The following MMP17 variants were observed in gnomAD, a reference collection of about 807,000 sequenced individuals.
MMP17 encodes the protein matrix metallopeptidase 17.
A neutral mutation model predicts 49.1 loss-of-function variants in MMP17; 54 were observed. The ratio of observed to expected loss-of-function variants is 1.10; its 90% CI spans 0.88 to 1.38. The LOEUF (loss-of-function observed/expected upper bound fraction) is 1.38, where lower values mean the gene tolerates loss of function less well. MMP17 is among the 40% of genes most tolerant of loss of function. The probability of loss-of-function intolerance (pLI) is 0.00; values close to 1 mark genes in which losing one functional copy is unlikely to be tolerated. For missense variants in MMP17, 837 were observed against 853.7 expected (o/e 0.98, Z 0.24); for synonymous variants, 397 against 383.1 (o/e 1.04, Z -0.42).
chr12:131,832,673 G>A (rs903091156), intron 1 of MMP17, among the ~76,000 whole-genome samples: 6 of 152,066 alleles, frequency 3.9e-5, no homozygotes, highest in South Asian at 4.2e-4. Flanking sequence ...CCTGGGCACC[G>A]TCTGAGTGGG....
At chr12:131,831,073 G>C (rs1886769878) in intron 1 of MMP17, among the ~76,000 whole-genome samples, 2 of 152,224 alleles carry the variant, frequency 1.3e-5, no homozygotes, top group South Asian at 4.1e-4. Flanking sequence ...TGCGATTGCA[G>C]CTTCGCACGC....
intron 8 of MMP17, among the ~76,000 whole-genome samples, chr12:131,845,693 G>A (rs1190099545): frequency 1.3e-5 from 2 of 152,188 alleles, no homozygotes; most frequent in Non-Finnish European, 2.9e-5. Context: ...CCTCGTTCTA[G>A]TCAGGCCACA....
Position 131,850,960 on chromosome 12 carries a change from A to C in MMP17, c.1498A>C (p.Lys500Gln), listed in dbSNP as rs551280686. The C allele has an allele frequency of 6.5e-7, 1 of 1,526,986 alleles. No homozygotes were observed. The highest frequency in any genetic ancestry group is 1.4e-5 in the African/African-American group (1 of 71,094). The allele number at this position is 1,526,986 out of a possible 1,614,324, so 94.6% of individuals were successfully genotyped here. A position where few individuals can be genotyped will look rare whatever the true frequency, so the allele number is the denominator to read the frequency against. Residue 500 changes from lysine to glutamine, a missense_variant, in exon 10 of 10, where the codon AAA becomes CAA. Lys to Gln is a moderately conservative substitution (Grantham distance 53). Transcript: ENST00000360564. ...SYFFRGQEYW[K>Q]VLDGELEVAP... ...CTTCTTCCGTGGCCAGGAGTACTGGAAAGTGCTGGATGGCGAGCTGGAGGT... is the reference window on the plus strand; with the variant it reads ...CTTCTTCCGTGGCCAGGAGTACTGGCAAGTGCTGGATGGCGAGCTGGAGGT...
At chr12:131,850,477 C>G (rs1211837660) in intron 9 of MMP17, among the ~76,000 whole-genome samples, 1 of 152,250 alleles carries the variant, frequency 6.6e-6, no homozygotes, top group Non-Finnish European at 1.5e-5. Flanking sequence ...CCCACAGGGT[C>G]AGCTCCAGGG....
intron 1 of MMP17, among the ~76,000 whole-genome samples, chr12:131,834,425 G>A (rs1272327688): frequency 9.2e-5 from 14 of 152,184 alleles, no homozygotes; most frequent in African/African-American, 3.4e-4. Flanking sequence ...AGGACCAGGC[G>A]GCGGGTGGGC....
rs1275340494 is a variant in MMP17 at position 131,846,993 on chromosome 12, G to T, written c.1204+1544G>T. 2.0e-5 allele frequency among the ~76,000 whole-genome samples: 3 copies of T among 152,030 alleles called. No individual in the cohort carries two copies. The highest frequency in any genetic ancestry group is 7.2e-5 in the African/African-American group (3 of 41,386). ...CCTGATCCCTCCTGAAGGGACAGAGGCTGCAGCTACCTGGGAGGCTGAGGC... is the reference window on the plus strand; with the variant it reads ...CCTGATCCCTCCTGAAGGGACAGAGTCTGCAGCTACCTGGGAGGCTGAGGC... On this transcript the variant is annotated intron_variant, in intron 8 of 9. Transcript: ENST00000360564. This position sits in a 1 kb window ranked among gnomAD's most constrained non-coding sequence, Gnocchi z 4.6.
At chr12:131,844,998 T>C in intron 6 of MMP17, 120 bp from the exon 7 acceptor site, 1 of 980,124 alleles carries the variant, frequency 1.0e-6, no homozygotes, top group Non-Finnish European at 1.6e-6. Context: ...TAGGCAAGGA[T>C]AGGGGCTCCA....
chr12:131,850,047 C>T lies in MMP17; in HGVS notation c.1450C>T (p.Arg484Cys), dbSNP rs750425762. 3.1e-6 allele frequency: 5 copies of T among 1,611,020 alleles called. No individual in the cohort carries two copies. Among genetic ancestry groups the T allele is most frequent in the East Asian group, 2.2e-5 (1 of 44,818 alleles). ...CCCCAGCACGCTGGACGACGCCATG[C>T]GCTGGTCCGACGGTGAGTGCCAGCT... ...GVPSTLDDAM[R>C]WSDGASYFFR... Residue 484 changes from arginine (R) to cysteine (C), a missense_variant, in exon 9 of 10, where the codon CGC becomes TGC. Physicochemically the swap from Arg to Cys is radical, Grantham distance 180. Coordinates refer to ENST00000360564, the MANE Select transcript of MMP17 (RefSeq NM_016155.7).
intron 1 of MMP17, among the ~76,000 whole-genome samples, chr12:131,834,286 C>T (rs1031874867): frequency 1.5e-4 from 23 of 152,148 alleles, no homozygotes; most frequent in Non-Finnish European, 1.3e-4. Flanking sequence ...CCGCCTCCTC[C>T]CTCCTCCCGG....
At chr12:131,836,974 G>T (rs1191497821) in intron 1 of MMP17, among the ~76,000 whole-genome samples, 3 of 152,210 alleles carry the variant, frequency 2.0e-5, no homozygotes, top group African/African-American at 4.8e-5. Flanking sequence ...CCTGTCCCCA[G>T]GGCCCCTCCA....
intron 4 of MMP17, 63 bp from the exon 5 acceptor site, chr12:131,841,561 G>C (rs368700905): frequency 1.8e-5 from 28 of 1,564,948 alleles, no homozygotes; most frequent in Non-Finnish European, 2.4e-5. Flanking sequence ...GGGCCTGCTG[G>C]TCCCTCCCCG....
Position 131,828,411 on chromosome 12 carries a change from C to A in MMP17, c.-84C>A. ...GGGGCTCAGTCCGGCGGGGGCGCCG[C>A]GGAGAGCGGAGGGCGCCGGGCTGCG... On this transcript the variant is annotated 5_prime_UTR_variant, in exon 1 of 10. Coordinates refer to ENST00000360564, the MANE Select transcript of MMP17 (RefSeq NM_016155.7). The A allele has an allele frequency of 1.2e-6, 1 of 807,462 alleles. No homozygotes were observed. 50.0% of individuals were successfully genotyped at this position (807,462 alleles called of 1,614,324 possible).
chr12:131,840,326 G>A (rs1441219918), intron 3 of MMP17: 8 of 489,180 alleles, frequency 1.6e-5, no homozygotes, highest in East Asian at 6.2e-5. Context: ...GGGAGCTGAC[G>A]TTTGCCTGTG....
chr12:131,848,292 G>A (rs116490303), intron 8 of MMP17, among the ~76,000 whole-genome samples: 13,601 of 152,128 alleles, frequency 0.089, 665 homozygotes, highest in Admixed American at 0.13. Flanking sequence ...CACCGTGTTG[G>A]TCAGGCTGAT....
At chr12:131,834,186 C>T (rs1185650337) in intron 1 of MMP17, among the ~76,000 whole-genome samples, 1 of 152,190 alleles carries the variant, frequency 6.6e-6, no homozygotes, top group Non-Finnish European at 1.5e-5. Flanking sequence ...AGGAGAGCGG[C>T]CGCCTCTCCT....
chr12:131,829,841 G>C (rs890930667), intron 1 of MMP17, among the ~76,000 whole-genome samples: 13 of 152,228 alleles, frequency 8.5e-5, no homozygotes, highest in Non-Finnish European at 1.8e-4. Context: ...CCCAGGCCCC[G>C]AAGCCATCTG....
At chr12:131,845,966 G>T (rs1887684321) in intron 8 of MMP17, among the ~76,000 whole-genome samples, 1 of 152,170 alleles carries the variant, frequency 6.6e-6, no homozygotes, top group South Asian at 2.1e-4. Context: ...GGGCCGGCCT[G>T]CCTCTCCCTG....
In MMP17 at chr12:131,851,408, C is replaced by T. The variant is rs1325480099; in HGVS notation, c.*134C>T. ...GGCCACCCTGGCACCGGAAGGCCAG[C>T]AGAGGGCACTGTCCGCCAGGGCTGG... On this transcript the variant is annotated 3_prime_UTR_variant, in exon 10 of 10. Transcript: ENST00000360564. The T allele has an allele frequency of 2.6e-6, 2 of 783,784 alleles. No individual in the cohort carries two copies. Among genetic ancestry groups the T allele is most frequent in the African/African-American group, 1.8e-5 (1 of 55,374 alleles). 48.6% of individuals were successfully genotyped at this position (783,784 alleles called of 1,614,324 possible).
At chr12:131,845,031 C>A in intron 6 of MMP17, 87 bp from the exon 7 acceptor site, 1 of 1,364,764 alleles carries the variant, frequency 7.3e-7, no homozygotes, top group Non-Finnish European at 1.0e-6. Flanking sequence ...TGTCCCATGC[C>A]GCTCAGGTCA....
Sources: gnomAD v4.1 joint callset for allele counts (sites outside exome capture counted in the v4.1 genomes callset) on GRCh38, gnomAD v4.1.1 for gene constraint, Gnocchi (gnomAD v3.1) non-coding constraint, MANE v1.5 for transcripts, NCBI Gene and HGNC (gene_info 2026-07-23, HGNC 2026-07-21) for gene names.